LDHC: variants seen among roughly 807,000 people sequenced by gnomAD.
The protein encoded by LDHC is lactate dehydrogenase C.
In LDHC, 20 loss-of-function variants were observed where a neutral mutation model predicts 30.2. That is an observed-to-expected ratio of 0.66 (90% CI 0.47 to 0.96). LDHC has a LOEUF of 0.96. Ranked by LOEUF, LDHC falls within the 40% of genes least tolerant of loss-of-function variation. LDHC has a pLI of 0.00. For missense variants in LDHC, 362 were observed against 394.9 expected, an observed-to-expected ratio of 0.92 and a Z score of 0.71; for synonymous variants, 139 against 132.7, an observed-to-expected ratio of 1.05 and a Z score of -0.32.
chr11:18,438,709 C>T, intron 6 of LDHC, 64 bp downstream of exon 6: 4 of 848,238 alleles, frequency 4.7e-6, no homozygotes, highest in Non-Finnish European at 7.7e-6. Flanking sequence ...ATATCACGGA[C>T]AAAAATCAAG....
At chr11:18,430,832 G>A (rs79756504) in intron 4 of LDHC, among the ~76,000 whole-genome samples, 4,079 of 152,154 alleles carry the variant, frequency 0.027, 78 homozygotes, top group Non-Finnish European at 0.042. Flanking sequence ...AGTAACATAC[G>A]TGGGTTATAT....
chr11:18,441,938 A>G (rs565339904), intron 6 of LDHC, among the ~76,000 whole-genome samples: 1 of 152,226 alleles, frequency 6.6e-6, no homozygotes, highest in African/African-American at 2.4e-5. Flanking sequence ...CAGTATTGCA[A>G]TGCTTAGGTG....
Position 18,449,186 on chromosome 11 carries a change from A to G in LDHC, c.835-1777A>G, listed in dbSNP as rs115700472. On this transcript the variant is annotated intron_variant, in intron 7 of 7. Coordinates refer to ENST00000541669, the MANE Select transcript of LDHC (RefSeq NM_017448.5). Reference sequence around the variant, plus strand: ...CATGGAAGCTCATGTTAAAGCTTCAAATGTCACAGAGGTGGCAACAGAATG... The same window carrying G: ...CATGGAAGCTCATGTTAAAGCTTCAGATGTCACAGAGGTGGCAACAGAATG... Among the ~76,000 whole-genome samples the G allele has an allele frequency of 8.2e-3, 1,246 of 152,168 alleles. 18 individuals are homozygous for G. The highest frequency in any genetic ancestry group is 0.028 in the African/African-American group (1,177 of 41,524).
At chr11:18,438,842 A>C (rs893996616) in intron 6 of LDHC, among the ~76,000 whole-genome samples, 197 bp downstream of exon 6, 1 of 152,166 alleles carries the variant, frequency 6.6e-6, no homozygotes, top group Non-Finnish European at 1.5e-5. Context: ...TTATTATTTC[A>C]CAACTCATAT....
rs1305960131 is a variant in LDHC at position 18,451,411 on chromosome 11, T to C, written c.*284T>C. ...GAGTGCCTTCAGATGTAGTAGAATA[T>C]GTATAATCACTATAATACAGAGCTT... On this transcript the variant is annotated 3_prime_UTR_variant, in exon 8 of 8. Coordinates refer to ENST00000541669, the MANE Select transcript of LDHC (RefSeq NM_017448.5). 6 of 202,064 alleles carry C rather than the reference T, an allele frequency of 3.0e-5. No individual in the cohort carries two copies. Among genetic ancestry groups the C allele is most frequent in the Non-Finnish European group, 5.8e-5 (6 of 102,614 alleles). The allele number at this position is 202,064 out of a possible 1,614,324, so 12.5% of individuals were successfully genotyped here.
At chr11:18,438,496 G>T (rs1344105417) in intron 5 of LDHC, 32 bp from the exon 6 acceptor site, 1 of 1,366,930 alleles carries the variant, frequency 7.3e-7, no homozygotes, top group African/African-American at 1.4e-5. Context: ...ATATTGGGAA[G>T]AAGAGTTTAT....
intron 3 of LDHC, among the ~76,000 whole-genome samples, chr11:18,415,606 A>G (rs975748592): frequency 6.6e-6 from 1 of 152,032 alleles, no homozygotes; most frequent in Non-Finnish European, 1.5e-5. Context: ...TAATTTTTGT[A>G]TTTTTAATAG....
chr11:18,424,271 A>T (rs1017282545), intron 3 of LDHC, among the ~76,000 whole-genome samples: 15 of 151,926 alleles, frequency 9.9e-5, no homozygotes, highest in African/African-American at 3.6e-4. Flanking sequence ...AATCCCAGCT[A>T]CTCAGGAGTC....
In LDHC at chr11:18,446,401, C is replaced by G. The variant is rs1463886448; in HGVS notation, c.834+68C>G. On this transcript the variant is annotated intron_variant, in intron 7 of 7. Coordinates refer to ENST00000541669, the MANE Select transcript of LDHC (RefSeq NM_017448.5). ...TATTTATTGGGTCACTACTATATGC[C>G]AGGCAGTGTACAAGATGTTGAGGAT... 4.5e-6 allele frequency: 5 copies of G among 1,120,394 alleles called. No homozygotes were observed. The African/African-American group carries it at 7.8e-5, about 17-fold the overall frequency. 69.4% of individuals were successfully genotyped at this position (1,120,394 alleles called of 1,614,324 possible). A position where few individuals can be genotyped will look rare whatever the true frequency, so the allele number is the denominator to read the frequency against.
chr11:18,437,028 G>T (rs559376082), intron 5 of LDHC, among the ~76,000 whole-genome samples: 2 of 152,096 alleles, frequency 1.3e-5, no homozygotes, highest in African/African-American at 2.4e-5. Flanking sequence ...TCTTCCCCTG[G>T]ATTCAATTTA....
At chr11:18,423,521 T>C (rs1020969393) in intron 3 of LDHC, among the ~76,000 whole-genome samples, 4 of 152,106 alleles carry the variant, frequency 2.6e-5, no homozygotes, top group African/African-American at 9.7e-5. Context: ...AAAAAATAAA[T>C]TGATACCACA....
chr11:18,417,122 G>A (rs1867036999), intron 3 of LDHC, among the ~76,000 whole-genome samples: 1 of 152,172 alleles, frequency 6.6e-6, no homozygotes, highest in Non-Finnish European at 1.5e-5. Flanking sequence ...GACCTCAGGT[G>A]ACCCGCCTGC....
chr11:18,433,969 TCCC>T (rs1848313410), intron 4 of LDHC, among the ~76,000 whole-genome samples: 1 of 152,242 alleles, frequency 6.6e-6, no homozygotes, highest in Non-Finnish European at 1.5e-5. Context: ...TTTATTGTAA[TCCC>T]AGACATCCTG....
At chr11:18,413,541 C>T (rs1251999453) in intron 2 of LDHC, among the ~76,000 whole-genome samples, 4 of 149,078 alleles carry the variant, frequency 2.7e-5, no homozygotes, top group Non-Finnish European at 5.9e-5. Context: ...CGGCTCCCGG[C>T]AACCTTTGCC....
At chr11:18,413,325 C>T (rs1444327376) in intron 2 of LDHC, among the ~76,000 whole-genome samples, 3 of 152,016 alleles carry the variant, frequency 2.0e-5, no homozygotes, top group Admixed American at 1.3e-4. Flanking sequence ...TCAAGTGATC[C>T]GCCTGCCTCG....
intron 7 of LDHC, among the ~76,000 whole-genome samples, chr11:18,446,650 G>A (rs1263920724): frequency 2.0e-5 from 3 of 152,162 alleles, no homozygotes; most frequent in Non-Finnish European, 4.4e-5. Flanking sequence ...AAATGCCAAG[G>A]AGGCCTGATT....
In LDHC at chr11:18,438,663, G is replaced by A. The variant is rs1276229844; in HGVS notation, c.710+18G>A. 8.2e-7 allele frequency: 1 copy of A among 1,223,228 alleles called. No individual in the cohort carries two copies. The allele number at this position is 1,223,228 out of a possible 1,614,324, so 75.8% of individuals were successfully genotyped here. ...ATTCAAAGGTAATAGTACCTATTCA[G>A]TTTCTTAATGCCTTAATAGTCAGTC... is the stretch of plus-strand genomic sequence containing the variant. On this transcript the variant is annotated intron_variant, in intron 6 of 7. Transcript: ENST00000541669.
intron 2 of LDHC, among the ~76,000 whole-genome samples, chr11:18,413,547 T>C (rs111516794): frequency 0.014 from 2,020 of 148,968 alleles, 51 homozygotes; most frequent in African/African-American, 0.047. Context: ...CCGGCAACCT[T>C]TGCCTCCCGG....
Position 18,438,619 on chromosome 11 carries a change from A to T in LDHC, c.684A>T (p.Lys228Asn), listed in dbSNP as rs1848400848. The change falls in exon 6 of 8, where the codon AAA becomes AAT. Residue 228 changes from lysine to asparagine, a missense_variant. Lys to Asn is a moderately conservative substitution (Grantham distance 94, BLOSUM62 0). Coordinates refer to ENST00000541669, the MANE Select transcript of LDHC (RefSeq NM_017448.5). Reference protein sequence around the residue: ...LGTDSDKEHWKNIHKQVIQSA... With the variant: ...LGTDSDKEHWNNIHKQVIQSA... ...CGGATTCAGATAAGGAACACTGGAAAAATATCCATAAACAAGTTATTCAAA... is the reference window on the plus strand; with the variant it reads ...CGGATTCAGATAAGGAACACTGGAATAATATCCATAAACAAGTTATTCAAA... The T allele has an allele frequency of 1.2e-6, 2 of 1,601,792 alleles. No individual in the cohort carries two copies. The highest frequency in any genetic ancestry group is 2.7e-5 in the African/African-American group (2 of 74,678).
Sources: gnomAD v4.1 joint callset for allele counts (sites outside exome capture counted in the v4.1 genomes callset) on GRCh38, gnomAD v4.1.1 for gene constraint, MANE v1.5 for transcripts, NCBI Gene and HGNC (gene_info 2026-07-23, HGNC 2026-07-21) for gene names.